Variants in DAGLA observed in about 807,000 individuals in gnomAD.
The protein encoded by DAGLA is diacylglycerol lipase-alpha.
DAGLA carries 22 observed loss-of-function variants against 102.6 expected under a neutral mutation model. That is an observed-to-expected ratio of 0.21 (90% CI 0.15 to 0.31). The LOEUF (loss-of-function observed/expected upper bound fraction) is 0.31. Among genes scored for constraint, DAGLA ranks in the 10% least tolerant of loss-of-function variants. The pLI is 1.00. For synonymous variants in DAGLA, 578 were observed against 628.9 expected (o/e 0.92, Z 1.21); for missense variants, 927 against 1,446.6 (o/e 0.64, Z 5.83).
intron 4 of DAGLA, 21 bp from the exon 5 acceptor site, chr11:61,723,413 G>A (rs1454138302): frequency 1.9e-6 from 3 of 1,607,052 alleles, no homozygotes; most frequent in African/African-American, 1.3e-5. Flanking sequence ...CCTACCTAAT[G>A]CCTCCCACTG....
rs539495733 is a variant in DAGLA at position 61,704,365 on chromosome 11, C to T, written c.-44-15747C>T. ...GAACTCCTGACCTCAGGTGATCTGC[C>T]TGCCTCAGCCTCCCAAAGTGCTGGG... is the stretch of plus-strand genomic sequence containing the variant. On this transcript the variant is annotated intron_variant, in intron 1 of 19. Coordinates refer to ENST00000257215, the MANE Select transcript of DAGLA (RefSeq NM_006133.3). 7.9e-5 allele frequency among the ~76,000 whole-genome samples: 12 copies of T among 152,314 alleles called. No individual in the cohort carries two copies. The East Asian group carries it at 2.3e-3, about 29-fold the overall frequency.
At chr11:61,709,610 C>T (rs2065177297) in intron 1 of DAGLA, among the ~76,000 whole-genome samples, 1 of 152,260 alleles carries the variant, frequency 6.6e-6, no homozygotes, top group Admixed American at 6.5e-5. Context: ...AGATCCCCCT[C>T]ATTGAGCACA....
intron 15 of DAGLA, 44 bp downstream of exon 15, chr11:61,737,799 C>T (rs201296652): frequency 6.4e-7 from 1 of 1,553,556 alleles, no homozygotes; most frequent in East Asian, 2.2e-5. Context: ...CAGGCTGTTC[C>T]TCCCTCCTCC....
chr11:61,735,981 C>T (rs1025283202), intron 12 of DAGLA, among the ~76,000 whole-genome samples, 165 bp downstream of exon 12: 6 of 152,134 alleles, frequency 3.9e-5, no homozygotes, highest in East Asian at 1.9e-4. Context: ...CCCACTGCTG[C>T]GACCCCACTG....
chr11:61,716,950 G>A (rs1351797373), intron 1 of DAGLA, among the ~76,000 whole-genome samples: 2 of 152,084 alleles, frequency 1.3e-5, no homozygotes, highest in African/African-American at 2.4e-5. Flanking sequence ...TGTGCTGGGG[G>A]TCCAACCAGA....
At chr11:61,711,469 G>C (rs1241886504) in intron 1 of DAGLA, among the ~76,000 whole-genome samples, 8 of 152,250 alleles carry the variant, frequency 5.3e-5, no homozygotes, top group Non-Finnish European at 1.0e-4. Context: ...ACAGGACTGA[G>C]TGGGCTCTGA....
At chr11:61,687,896 C>G (rs995638289) in intron 1 of DAGLA, among the ~76,000 whole-genome samples, 2 of 152,192 alleles carry the variant, frequency 1.3e-5, no homozygotes, top group Non-Finnish European at 2.9e-5. Flanking sequence ...GAACAAGTCA[C>G]TTTTCTTTTG....
At chr11:61,738,307 TGGAA>T in intron 16 of DAGLA, 100 bp downstream of exon 16, 3 of 1,008,768 alleles carry the variant, frequency 3.0e-6, no homozygotes, top group Non-Finnish European at 3.0e-6. Context: ...GGCCCTGCCA[TGGAA>T]GGCCAGGGCA....
At chr11:61,743,303 C>T (rs1167627359) in intron 19 of DAGLA, among the ~76,000 whole-genome samples, 1 of 147,322 alleles carries the variant, frequency 6.8e-6, no homozygotes, top group Non-Finnish European at 1.5e-5. Context: ...GCGGAGCTTG[C>T]AGTGAGCCAA....
intron 1 of DAGLA, among the ~76,000 whole-genome samples, chr11:61,693,864 C>T (rs2065043752): frequency 6.6e-6 from 1 of 152,244 alleles, no homozygotes; most frequent in South Asian, 2.1e-4. Context: ...TTCCTCTCTG[C>T]TTTGAGTCTT....
intron 6 of DAGLA, among the ~76,000 whole-genome samples, 185 bp from the exon 7 acceptor site, chr11:61,727,954 TGGGCAGGGCCCTCA>T (rs958256914): frequency 1.3e-5 from 2 of 152,164 alleles, no homozygotes; most frequent in Non-Finnish European, 2.9e-5. Flanking sequence ...CTAGGAGCCC[TGGGCAGGGCCCTCA>T]GGGTCACAGG....
At chr11:61,731,538 A>G in intron 9 of DAGLA, 97 bp downstream of exon 9, 1 of 1,512,904 alleles carries the variant, frequency 6.6e-7, no homozygotes, top group Non-Finnish European at 8.9e-7. Flanking sequence ...TTTGCCCTGA[A>G]TGGCTTCTTT....
chr11:61,682,757 C>T (rs905079204), intron 1 of DAGLA, among the ~76,000 whole-genome samples: 12 of 151,298 alleles, frequency 7.9e-5, no homozygotes, highest in Admixed American at 6.6e-4. Flanking sequence ...TGGGCTGTGG[C>T]CTGAAGGAAA....
chr11:61,705,223 G>A (rs1036033109), intron 1 of DAGLA, among the ~76,000 whole-genome samples: 7 of 152,218 alleles, frequency 4.6e-5, no homozygotes, highest in Non-Finnish European at 7.4e-5. Flanking sequence ...CTTTGACAGC[G>A]CCAGTGTTAC....
At chr11:61,720,512 A>G (rs1299440011) in intron 2 of DAGLA, among the ~76,000 whole-genome samples, 167 bp from the exon 3 acceptor site, 1 of 152,120 alleles carries the variant, frequency 6.6e-6, no homozygotes, top group African/African-American at 2.4e-5. Flanking sequence ...CTGGCCGCCC[A>G]TGCCCTTCTA....
chr11:61,736,005 A>G (rs1262643395), intron 12 of DAGLA, among the ~76,000 whole-genome samples, 189 bp downstream of exon 12: 1 of 152,162 alleles, frequency 6.6e-6, no homozygotes, highest in Non-Finnish European at 1.5e-5. Flanking sequence ...TGCACAGCCC[A>G]GAGCCTGACC....
At chr11:61,701,816 C>A (rs1434027079) in intron 1 of DAGLA, among the ~76,000 whole-genome samples, 1 of 152,118 alleles carries the variant, frequency 6.6e-6, no homozygotes, top group East Asian at 1.9e-4. Flanking sequence ...GCTCTGTCAC[C>A]CAGGCTTCAA....
In DAGLA at chr11:61,744,320, C is replaced by T. The variant is rs2065515814; in HGVS notation, c.2960C>T (p.Ser987Leu). 1 of 1,612,636 alleles carries T rather than the reference C, an allele frequency of 6.2e-7. No individual in the cohort carries two copies. Among genetic ancestry groups the T allele is most frequent in the Middle Eastern group, 1.7e-4 (1 of 6,058 alleles). Reference protein sequence around the residue: ...AGSADPSSGISLSPSFPLSSS... With the variant: ...AGSADPSSGILLSPSFPLSSS... ...TCAGCCGACCCCTCCTCGGGCATCT[C>T]ACTCTCGCCCTCCTTCCCGCTCAGC... The change falls in exon 20 of 20, where the codon TCA becomes TTA. Residue 987 changes from serine (S) to leucine (L), a missense_variant. By Grantham distance (145) the Ser-to-Leu change is moderately radical (BLOSUM62 -2). Around this residue, in one of 4 missense-constraint regions of DAGLA, gnomAD observed 434 missense variants for 503.3 expected, o/e 0.86. Coordinates refer to ENST00000257215, the MANE Select transcript of DAGLA (RefSeq NM_006133.3).
chr11:61,733,660 C>T (rs1212507585), intron 9 of DAGLA, among the ~76,000 whole-genome samples: 2 of 152,210 alleles, frequency 1.3e-5, no homozygotes, highest in Non-Finnish European at 2.9e-5. Flanking sequence ...CCCAGGCTGC[C>T]TCATTCATTT....
Sources: allele counts gnomAD v4.1 joint callset (sites outside exome capture counted in the v4.1 genomes callset), GRCh38; gene constraint gnomAD v4.1.1; regional missense constraint gnomAD v4.1.1; transcripts MANE v1.5; gene names NCBI Gene and HGNC (gene_info 2026-07-23, HGNC 2026-07-21).